The following XIRP2 variants were observed in gnomAD, a reference collection of about 807,000 sequenced individuals.
The protein encoded by XIRP2 is xin actin-binding repeat-containing protein 2.
A neutral mutation model predicts 277.0 loss-of-function variants in XIRP2; 236 were observed. That is an observed-to-expected ratio of 0.85 (90% CI 0.77 to 0.95). The LOEUF (loss-of-function observed/expected upper bound fraction) is 0.95. Ranked by LOEUF, XIRP2 falls within the 40% of genes least tolerant of loss-of-function variation. The pLI, the probability that XIRP2 is intolerant of heterozygous loss-of-function variation, is 0.00. For missense variants in XIRP2, 4,640 were observed against 4,157.5 expected (o/e 1.12, Z -3.19); for synonymous variants, 1,490 against 1,416.5 (o/e 1.05, Z -1.17).
At chr2:167,160,100 G>C in intron 3 of XIRP2, among the ~76,000 whole-genome samples, 1 of 152,034 alleles carries the variant, frequency 6.6e-6, no homozygotes, top group South Asian at 2.1e-4. Flanking sequence ...GAAAATGCCT[G>C]GCCCTGAAGT....
chr2:166,913,317 C>CG (rs551772174), intron 2 of XIRP2, among the ~76,000 whole-genome samples: 16 of 132,140 alleles, frequency 1.2e-4, no homozygotes, highest in Non-Finnish European at 1.9e-4. Context: ...GGCACCCCCC[C>CG]CCCCCAGCCT....
intron 2 of XIRP2, among the ~76,000 whole-genome samples, chr2:166,994,922 CT>C (rs58470341): frequency 7.2e-4 from 105 of 145,720 alleles, no homozygotes; most frequent in Admixed American, 1.0e-3. Flanking sequence ...GCTTTGACTT[CT>C]TTTTTTTTTT....
At chr2:167,084,648 C>T (rs1689868212) in intron 2 of XIRP2, among the ~76,000 whole-genome samples, 1 of 151,976 alleles carries the variant, frequency 6.6e-6, no homozygotes, top group South Asian at 2.1e-4. Flanking sequence ...AGAGATTCAA[C>T]TTCTTCCTGG....
At chr2:167,119,488 C>T (rs1039595937) in intron 2 of XIRP2, among the ~76,000 whole-genome samples, 14 of 152,140 alleles carry the variant, frequency 9.2e-5, no homozygotes, top group Non-Finnish European at 2.1e-4. Context: ...CACTTAAATA[C>T]AATCTCATGG....
intron 3 of XIRP2, among the ~76,000 whole-genome samples, chr2:167,159,311 T>G (rs1034413154): frequency 6.6e-6 from 1 of 152,176 alleles, no homozygotes; most frequent in Non-Finnish European, 1.5e-5. Context: ...GGGAGAAATA[T>G]TCTATTATGA....
chr2:167,088,458 T>C (rs1405968555), intron 2 of XIRP2, among the ~76,000 whole-genome samples: 1 of 152,186 alleles, frequency 6.6e-6, no homozygotes, highest in Non-Finnish European at 1.5e-5. Context: ...TCTTGGCTTC[T>C]AACTCAGTTT....
At chr2:167,257,752 T>C (rs1411355677) in intron 10 of XIRP2, 105 bp from the exon 11 acceptor site, 1 of 1,118,950 alleles carries the variant, frequency 8.9e-7, no homozygotes, top group Non-Finnish European at 1.3e-6. Flanking sequence ...CCATTGCTAG[T>C]AACTTAAGTT....
rs1695389456 is a variant in XIRP2 at position 167,249,258 on chromosome 2, A to T, written c.7866A>T (p.Gly2622=). 2 of 1,613,848 alleles carry T rather than the reference A, an allele frequency of 1.2e-6. No individual in the cohort carries two copies. The highest frequency in any genetic ancestry group is 3.3e-4 in the Middle Eastern group (2 of 6,058). ...PGSQSNARIL[G]VCSDNQLSTT... is the part of the protein sequence containing the mutation. ...CTCAAAGTAATGCTCGGATACTAGG[A>T]GTGTGTTCTGATAACCAACTCTCCA... The change falls in exon 9 of 11, where the codon GGA becomes GGT. Residue 2622 remains glycine (G), a synonymous_variant. Transcript: ENST00000409195.
At chr2:167,154,879 A>C (rs1692137462) in intron 3 of XIRP2, among the ~76,000 whole-genome samples, 1 of 152,114 alleles carries the variant, frequency 6.6e-6, no homozygotes, top group South Asian at 2.1e-4. Context: ...AGAGAGAAGA[A>C]TCAAATAGAT....
At position 167,248,128 on chromosome 2, in the gene XIRP2, G is replaced by A; in HGVS notation, c.6736G>A (p.Val2246Ile). 1 of 1,613,398 alleles carries A rather than the reference G, an allele frequency of 6.2e-7. No individual in the cohort carries two copies. Among genetic ancestry groups the A allele is most frequent in the South Asian group, 1.1e-5 (1 of 90,980 alleles). ...AACCAACAAAAAGCGGGAGACTGAT[G>A]TTCACTTGAAAAGCCAGGACTTTCT... ...KATNKKRETD[V>I]HLKSQDFLMK... The change falls in exon 9 of 11, where the codon GTT becomes ATT. Residue 2246 changes from valine (V) to isoleucine (I), a missense_variant. By Grantham distance (29) the Val-to-Ile change is conservative (BLOSUM62 3). Transcript: ENST00000409195.
chr2:167,128,251 T>C (rs909324204), intron 2 of XIRP2, among the ~76,000 whole-genome samples: 3 of 152,186 alleles, frequency 2.0e-5, no homozygotes, highest in African/African-American at 4.8e-5. Context: ...TATCTCTCAA[T>C]TGGAAATTTT....
In XIRP2 at chr2:167,250,470, T is replaced by C. The variant is rs747049958; in HGVS notation, c.9078T>C (p.Tyr3026=). 1.2e-6 allele frequency: 2 copies of C among 1,613,118 alleles called. No homozygotes were observed. The highest frequency in any genetic ancestry group is 1.7e-6 in the Non-Finnish European group (2 of 1,179,668). ...AAGCGGAAGATATGCTTGTGTCCTA[T>C]GAAAATATAATTCAGACAGCCATGA... ...KTQAEDMLVS[Y]ENIIQTAMMS... The change falls in exon 9 of 11, where the codon TAT becomes TAC. Residue 3026 remains tyrosine, a synonymous_variant. Coordinates refer to ENST00000409195, the MANE Select transcript of XIRP2 (RefSeq NM_152381.6).
intron 2 of XIRP2, among the ~76,000 whole-genome samples, chr2:167,010,420 T>C (rs1687637291): frequency 6.6e-6 from 1 of 152,002 alleles, no homozygotes; most frequent in African/African-American, 2.4e-5. Context: ...TTCTGTTCCA[T>C]TGATCTATAT....
chr2:167,052,728 A>G (rs1381495807), intron 2 of XIRP2, among the ~76,000 whole-genome samples: 1 of 152,224 alleles, frequency 6.6e-6, no homozygotes, highest in Non-Finnish European at 1.5e-5. Flanking sequence ...TCCAAAAGCC[A>G]TTTAAAAATA....
intron 3 of XIRP2, among the ~76,000 whole-genome samples, chr2:167,143,724 A>G (rs925200437): frequency 3.9e-5 from 6 of 152,276 alleles, no homozygotes; most frequent in Admixed American, 3.9e-4. Context: ...ATGCTCGTTG[A>G]CATATTTTAA....
chr2:167,158,984 G>C (rs951990253), intron 3 of XIRP2, among the ~76,000 whole-genome samples: 1 of 152,168 alleles, frequency 6.6e-6, no homozygotes, highest in Non-Finnish European at 1.5e-5. Context: ...GGAGGGGAAA[G>C]AGTTCCCAAG....
chr2:167,059,851 G>C (rs1689135229), intron 2 of XIRP2, among the ~76,000 whole-genome samples: 1 of 152,210 alleles, frequency 6.6e-6, no homozygotes, highest in African/African-American at 2.4e-5. Context: ...CAAGCATGAT[G>C]CTAGCAGAGG....
intron 3 of XIRP2, among the ~76,000 whole-genome samples, chr2:167,150,421 T>C (rs997128212): frequency 2.0e-5 from 3 of 152,046 alleles, no homozygotes; most frequent in African/African-American, 7.2e-5. Context: ...AAAGAAATAC[T>C]ATACATGAGT....
At chr2:167,193,574 C>G (rs1693411292) in intron 3 of XIRP2, among the ~76,000 whole-genome samples, 1 of 152,104 alleles carries the variant, frequency 6.6e-6, no homozygotes, top group Non-Finnish European at 1.5e-5. Flanking sequence ...TCTTTTTACT[C>G]TTCGTTAACC....
Sources: allele counts gnomAD v4.1 joint callset (sites outside exome capture counted in the v4.1 genomes callset), GRCh38; gene constraint gnomAD v4.1.1; transcripts MANE v1.5; gene names NCBI Gene and HGNC (gene_info 2026-07-23, HGNC 2026-07-21).